NTRK2: variants seen among roughly 807,000 people sequenced by gnomAD.
NTRK2 encodes BDNF/NT-3 growth factors receptor.
Under a neutral mutation model 94.5 loss-of-function variants are expected in NTRK2, and 13 were observed. That is an observed-to-expected ratio of 0.14 (90% CI 0.09 to 0.22). NTRK2 has a LOEUF of 0.22. NTRK2 is among the 10% of genes least tolerant of loss of function. NTRK2 has a pLI of 1.00. For missense variants in NTRK2, 639 were observed against 1,071.2 expected (o/e 0.60, Z 5.63); for synonymous variants, 372 against 407.4 (o/e 0.91, Z 1.05).
At chr9:84,985,943 A>G (rs1448921534) in intron 17 of NTRK2, among the ~76,000 whole-genome samples, 2 of 152,150 alleles carry the variant, frequency 1.3e-5, no homozygotes, top group Admixed American at 6.5e-5. Flanking sequence ...AAGGAACACT[A>G]AGAAGAGCTG....
At chr9:84,783,651 G>A (rs1327417047) in intron 12 of NTRK2, among the ~76,000 whole-genome samples, 1 of 152,128 alleles carries the variant, frequency 6.6e-6, no homozygotes, top group Non-Finnish European at 1.5e-5. Context: ...TGTGAGAGTT[G>A]GGGAAAGAGC....
chr9:84,918,569 A>G, intron 14 of NTRK2, among the ~76,000 whole-genome samples: 1 of 152,260 alleles, frequency 6.6e-6, no homozygotes, highest in East Asian at 1.9e-4. Flanking sequence ...TAGAAGACCA[A>G]TGGATGAAAT....
chr9:84,815,465 GT>G, intron 12 of NTRK2: 1 of 1,036,956 alleles, frequency 9.6e-7, no homozygotes, highest in Non-Finnish European at 1.2e-6. Context: ...CGCACTTCAT[GT>G]TCAACCATTT....
chr9:84,767,822 A>AT (rs2066179960), intron 12 of NTRK2, among the ~76,000 whole-genome samples: 1 of 152,134 alleles, frequency 6.6e-6, no homozygotes, highest in South Asian at 2.1e-4. Context: ...TTAATTCTTC[A>AT]TTACTGTCAT....
At chr9:84,795,007 T>C (rs1194083858) in intron 12 of NTRK2, among the ~76,000 whole-genome samples, 1 of 152,108 alleles carries the variant, frequency 6.6e-6, no homozygotes, top group Non-Finnish European at 1.5e-5. Context: ...CCCTGTGCCC[T>C]CCACCCCCCA....
chr9:84,840,291 CT>C (rs1671138662), intron 12 of NTRK2, among the ~76,000 whole-genome samples: 1 of 120,466 alleles, frequency 8.3e-6, no homozygotes, highest in Non-Finnish European at 1.7e-5. Flanking sequence ...TTTTTTTTAA[CT>C]CTTTCTCACT....
intron 17 of NTRK2, among the ~76,000 whole-genome samples, chr9:84,972,626 G>A (rs1250088857): frequency 2.6e-5 from 4 of 152,174 alleles, no homozygotes. Context: ...AAACTTTGAT[G>A]TGTTTTTGGG....
chr9:84,812,776 A>T (rs1274817481), intron 12 of NTRK2: 1 of 1,040,218 alleles, frequency 9.6e-7, no homozygotes, highest in African/African-American at 1.7e-5. Flanking sequence ...AAAATAAAAA[A>T]AAAGGAATAT....
chr9:84,978,547 T>C (rs924362642), intron 17 of NTRK2, among the ~76,000 whole-genome samples: 2 of 152,280 alleles, frequency 1.3e-5, no homozygotes, highest in African/African-American at 4.8e-5. Context: ...CTCCATAATA[T>C]AAAAGTGCAA....
chr9:84,731,743 AG>A (rs1169148657), intron 9 of NTRK2, among the ~76,000 whole-genome samples: 1 of 152,090 alleles, frequency 6.6e-6, no homozygotes, highest in African/African-American at 2.4e-5. Flanking sequence ...GCCCAGTCCA[AG>A]GGGGTGCCAG....
chr9:84,941,274 T>C (rs964699908), intron 15 of NTRK2, among the ~76,000 whole-genome samples: 3 of 152,222 alleles, frequency 2.0e-5, no homozygotes, highest in African/African-American at 7.2e-5. Context: ...CACTGTAAGA[T>C]AGAGAGTTAG....
intron 12 of NTRK2, among the ~76,000 whole-genome samples, chr9:84,796,250 GT>G (rs2069315598): frequency 6.6e-6 from 1 of 152,142 alleles, no homozygotes; most frequent in African/African-American, 2.4e-5. Flanking sequence ...TTCTCCTCTT[GT>G]TTGTGACCTA....
At chr9:84,745,637 A>G (rs1430783613) in intron 11 of NTRK2, among the ~76,000 whole-genome samples, 1 of 152,140 alleles carries the variant, frequency 6.6e-6, no homozygotes, top group Non-Finnish European at 1.5e-5. Flanking sequence ...CACTCTGAGG[A>G]GCCTTTGTGG....
intron 14 of NTRK2, among the ~76,000 whole-genome samples, chr9:84,925,100 G>C (rs946040101): frequency 3.9e-5 from 6 of 151,912 alleles, no homozygotes; most frequent in Admixed American, 1.3e-4. Context: ...TCTCTTCTCT[G>C]TTCAGAATTT....
At chr9:84,881,025 G>C (rs1167029190) in intron 14 of NTRK2, among the ~76,000 whole-genome samples, 1 of 152,228 alleles carries the variant, frequency 6.6e-6, no homozygotes, top group East Asian at 1.9e-4. Context: ...AGCATGGCCA[G>C]CCCTTTGGGG....
chr9:84,877,313 G>A (rs200935811), intron 14 of NTRK2: 1 of 1,066,096 alleles, frequency 9.4e-7, no homozygotes, highest in Non-Finnish European at 1.1e-6. Context: ...CTCAGTATGA[G>A]GAAGAACTTT....
intron 14 of NTRK2, chr9:84,876,802 A>G: frequency 2.8e-6 from 3 of 1,062,048 alleles, no homozygotes; most frequent in Non-Finnish European, 3.4e-6. Context: ...TTAGAAGGCT[A>G]GCCTTTCTTT....
intron 12 of NTRK2, chr9:84,814,305 G>T (rs2072134570): frequency 9.4e-7 from 1 of 1,065,350 alleles, no homozygotes; most frequent in African/African-American, 1.6e-5. Context: ...CCTCTTCAGG[G>T]GTGTGTGGAG....
At chr9:84,993,952 G>C (rs1040461307) in intron 17 of NTRK2, among the ~76,000 whole-genome samples, 1 of 152,260 alleles carries the variant, frequency 6.6e-6, no homozygotes, top group Middle Eastern at 3.4e-3. Context: ...CCAGCCCAAA[G>C]CAAATTCTTT....
Sources: gnomAD v4.1 joint callset for allele counts (sites outside exome capture counted in the v4.1 genomes callset) on GRCh38, gnomAD v4.1.1 for gene constraint, MANE v1.5 for transcripts, NCBI Gene and HGNC (gene_info 2026-07-23, HGNC 2026-07-21) for gene names.